TES: variants seen among roughly 807,000 people sequenced by gnomAD.
The protein encoded by TES is testin LIM domain protein.
TES carries 41 observed loss-of-function variants against 48.2 expected under a neutral mutation model. The observed-to-expected ratio is 0.85, with a 90% CI of 0.66 to 1.10. The LOEUF is 1.10. Ranked by LOEUF, TES falls within the 50% of genes least tolerant of loss-of-function variation. The pLI is 0.00. For synonymous variants in TES, 162 were observed against 174.9 expected (o/e 0.93, Z 0.58); for missense variants, 463 against 515.1 (o/e 0.90, Z 0.98).
intron 1 of TES, among the ~76,000 whole-genome samples, chr7:116,215,786 A>G (rs1799487349): frequency 6.6e-6 from 1 of 152,190 alleles, no homozygotes; most frequent in Non-Finnish European, 1.5e-5. Context: ...AGCCTTACAC[A>G]TAGCATGAGT....
rs1799849805 is a variant in TES at position 116,241,625 on chromosome 7, A to AATCAATTAAAATTATAACG, written c.113+7007_113+7008insTCAATTAAAATTATAACGA. Among the ~76,000 whole-genome samples, 5 of 152,092 alleles carry AATCAATTAAAATTATAACG rather than the reference A, an allele frequency of 3.3e-5. No homozygotes were observed. The South Asian group carries it at 1.0e-3, about 31-fold the overall frequency. ...TAGTCATGATTTTTAAAATTATAAC[A>AATCAATTAAAATTATAACG]AATCAATCATAGGTTTTCTCTACTT... On this transcript the variant is annotated intron_variant, in intron 2 of 6. Coordinates refer to ENST00000358204, the MANE Select transcript of TES (RefSeq NM_015641.4).
chr7:116,227,100 A>C (rs1359992623), intron 1 of TES, among the ~76,000 whole-genome samples: 1 of 39,162 alleles, frequency 2.6e-5, no homozygotes, highest in Non-Finnish European at 5.3e-5. Flanking sequence ...TTATTTATTT[A>C]TTTATTTATT....
intron 2 of TES, among the ~76,000 whole-genome samples, chr7:116,240,245 GC>G (rs1799827164): frequency 6.6e-6 from 1 of 152,150 alleles, no homozygotes; most frequent in African/African-American, 2.4e-5. Context: ...CACTGTGAAT[GC>G]TGGCAGCATG....
chr7:116,243,660 C>T (rs1485659301), intron 2 of TES, among the ~76,000 whole-genome samples: 1 of 152,178 alleles, frequency 6.6e-6, no homozygotes, highest in Non-Finnish European at 1.5e-5. Context: ...CCACTCCATA[C>T]TGCAAAACTG....
Position 116,249,315 on chromosome 7 carries a change from G to T in TES, c.366+43G>T, listed in dbSNP as rs192341724. On this transcript the variant is annotated intron_variant, in intron 3 of 6. Coordinates refer to ENST00000358204, the MANE Select transcript of TES (RefSeq NM_015641.4). ...GAGAGTTTCTTTATTGAAGTTCCTG[G>T]AGTATTTATTTGGGGCAGTTTCTTT... 1,508 of 1,610,656 alleles carry T rather than the reference G, an allele frequency of 9.4e-4. 22 individuals carry two copies. The East Asian group carries it at 0.022, about 23-fold the overall frequency.
chr7:116,252,037 C>G, intron 5 of TES, 62 bp downstream of exon 5: 1 of 1,526,818 alleles, frequency 6.5e-7, no homozygotes, highest in Admixed American at 1.7e-5. Flanking sequence ...GGTCCCTTTA[C>G]CTAGAAGGCA....
chr7:116,258,562 T>A lies in TES; in HGVS notation c.*1080T>A, dbSNP rs973764007. 2 of 69,758 alleles carry A rather than the reference T, an allele frequency of 2.9e-5. No homozygotes were observed. The highest frequency in any genetic ancestry group is 1.4e-4 in the African/African-American group (2 of 14,730). The allele number at this position is 69,758 out of a possible 1,614,324, so 4.3% of individuals were successfully genotyped here. A position where few individuals can be genotyped will look rare whatever the true frequency, so the allele number is the denominator to read the frequency against. ...CTTGCCTGCCATGATTTAGATAAGA[T>A]TTTTTTTGCATGGTTTTTATTCTTT... On this transcript the variant is annotated 3_prime_UTR_variant, in exon 7 of 7. Transcript: ENST00000358204.
intron 1 of TES, among the ~76,000 whole-genome samples, chr7:116,225,967 G>C (rs1341274962): frequency 6.6e-6 from 1 of 152,138 alleles, no homozygotes; most frequent in Admixed American, 6.5e-5. Flanking sequence ...TAGTATCTCA[G>C]ACTCTCATAA....
intron 1 of TES, among the ~76,000 whole-genome samples, chr7:116,223,811 T>C (rs568480369): frequency 6.6e-6 from 1 of 152,214 alleles, no homozygotes; most frequent in African/African-American, 2.4e-5. Flanking sequence ...TATACCCCTG[T>C]TCCCCTTTAT....
chr7:116,253,795 T>C (rs1800053767), intron 6 of TES, among the ~76,000 whole-genome samples: 2 of 152,236 alleles, frequency 1.3e-5, no homozygotes, highest in Middle Eastern at 3.4e-3. Context: ...TGATTCACTA[T>C]GCCCAAACTC....
At chr7:116,255,947 C>G (rs1346131623) in intron 6 of TES, among the ~76,000 whole-genome samples, 1 of 147,042 alleles carries the variant, frequency 6.8e-6, no homozygotes, top group Non-Finnish European at 1.5e-5. Context: ...ATAAGACATT[C>G]TAAATGCATA....
chr7:116,244,505 A>T (rs1031279153), intron 2 of TES, among the ~76,000 whole-genome samples: 3 of 152,256 alleles, frequency 2.0e-5, no homozygotes, highest in Non-Finnish European at 4.4e-5. Flanking sequence ...AATGCAAAAA[A>T]GGTGGGTTCC....
intron 2 of TES, 90 bp downstream of exon 2, chr7:116,234,709 A>T: frequency 9.4e-7 from 1 of 1,063,110 alleles, no homozygotes; most frequent in South Asian, 1.3e-5. Context: ...GTTCTCCAGC[A>T]TGGTTGCTAA....
intron 1 of TES, among the ~76,000 whole-genome samples, chr7:116,225,065 A>G (rs1210943193): frequency 1.3e-5 from 2 of 151,844 alleles, no homozygotes; most frequent in Non-Finnish European, 1.5e-5. Flanking sequence ...TGATGGTTAT[A>G]TGTATTTTAG....
rs569162310 is a variant in TES, at chr7:116,231,821, A to G, written c.28-2713A>G. Among the ~76,000 whole-genome samples the G allele has an allele frequency of 1.2e-4, 18 of 152,138 alleles. No individual in the cohort carries two copies. In the South Asian group the frequency reaches 3.7e-3, roughly 32 times the overall value. On this transcript the variant is annotated intron_variant, in intron 1 of 6. Transcript: ENST00000358204. ...TTCTGCTAATGCTGGTCAGCTGTGA[A>G]GCAGCGCCCACCCACCCCCAGCTCC...
chr7:116,251,566 C>A, intron 4 of TES, 194 bp from the exon 5 acceptor site: 2 of 559,964 alleles, frequency 3.6e-6, no homozygotes, highest in Admixed American at 3.0e-5. Context: ...GCCTGTAGTC[C>A]CAGCTACTCG....
At chr7:116,235,396 A>G (rs1248380449) in intron 2 of TES, among the ~76,000 whole-genome samples, 1 of 152,242 alleles carries the variant, frequency 6.6e-6, no homozygotes, top group African/African-American at 2.4e-5. Context: ...TCTCTTTAAA[A>G]TTTTTAGCTG....
chr7:116,218,236 T>G (rs527385997), intron 1 of TES, among the ~76,000 whole-genome samples: 2 of 152,158 alleles, frequency 1.3e-5, no homozygotes. Context: ...TTCTGGCCAC[T>G]GTGAAAAGCT....
chr7:116,255,525 C>T (rs1031462681), intron 6 of TES, among the ~76,000 whole-genome samples: 2 of 152,106 alleles, frequency 1.3e-5, no homozygotes, highest in African/African-American at 4.8e-5. Flanking sequence ...ATTCTCTATA[C>T]CATTTATGTG....
Sources: allele counts gnomAD v4.1 joint callset (sites outside exome capture counted in the v4.1 genomes callset), GRCh38; gene constraint gnomAD v4.1.1; transcripts MANE v1.5; gene names NCBI Gene and HGNC (gene_info 2026-07-23, HGNC 2026-07-21).